MICAL3: variants seen among roughly 807,000 people sequenced by gnomAD.
The protein encoded by MICAL3 is [F-actin]-monooxygenase MICAL3.
MICAL3 carries 62 observed loss-of-function variants against 207.4 expected under a neutral mutation model. The observed-to-expected ratio is 0.30, with a 90% CI of 0.24 to 0.37. The LOEUF is 0.37. MICAL3 is among the 10% of genes least tolerant of loss of function. The probability of loss-of-function intolerance (pLI) is 1.00; values close to 1 mark genes in which losing one functional copy is unlikely to be tolerated. For synonymous variants in MICAL3, 1,077 were observed against 1,069.3 expected, an observed-to-expected ratio of 1.01 and a Z score of -0.14; for missense variants, 2,368 against 2,635.6, an observed-to-expected ratio of 0.90 and a Z score of 2.22.
chr22:17,802,768 T>C (rs1490216128), intron 29 of MICAL3, among the ~76,000 whole-genome samples: 7 of 152,146 alleles, frequency 4.6e-5, no homozygotes, highest in African/African-American at 1.4e-4. Flanking sequence ...TTTGCCATTC[T>C]TCTGTTTGAA....
intron 1 of MICAL3, among the ~76,000 whole-genome samples, chr22:17,976,531 A>ATGTGTGTGTGTGTGTGTGTGTGTG (rs1239655452): frequency 5.2e-5 from 6 of 114,736 alleles, no homozygotes; most frequent in African/African-American, 2.3e-4. Context: ...ATATGTGTAT[A>ATGTGTGTGTGTGTGTGTGTGTGTG]TATATGTGTG....
At chr22:17,808,821 C>T (rs959324383) in intron 29 of MICAL3, 23 bp downstream of exon 29, 4 of 1,545,030 alleles carry the variant, frequency 2.6e-6, no homozygotes, top group Non-Finnish European at 3.5e-6. Context: ...AGGAGCAGAG[C>T]TTAGGAGGGA....
intron 29 of MICAL3, chr22:17,803,925 CCAATCAATGATATGATATGGAG>C: frequency 1.4e-6 from 1 of 726,994 alleles, no homozygotes; most frequent in Non-Finnish European, 1.7e-6. Context: ...CCCCCCATAC[CCAATCAATGATATGATATGGAG>C]CAATCAATGA....
rs1290803544 is a variant in MICAL3 at position 17,864,988 on chromosome 22, T to A, written c.2518-2A>T. The A allele has an allele frequency of 6.3e-7, 1 of 1,598,696 alleles. No homozygotes were observed. Among genetic ancestry groups the A allele is most frequent in the Non-Finnish European group, 8.6e-7 (1 of 1,168,142 alleles). Reference sequence around the variant, plus strand: ...ATCCTGCAGGGGTCCTTTGGCCTCCTAGGAAAGTTCATGAGAAAAAGAAGA... The same window carrying A: ...ATCCTGCAGGGGTCCTTTGGCCTCCAAGGAAAGTTCATGAGAAAAAGAAGA... On this transcript the variant is annotated splice_acceptor_variant, in intron 18 of 31. Transcript: ENST00000441493. LOFTEE classifies it high-confidence loss of function.
rs566820936 is a variant in MICAL3, at chr22:17,817,637, G to A, written c.5024C>T (p.Pro1675Leu). 27 of 1,612,950 alleles carry A rather than the reference G, an allele frequency of 1.7e-5. No homozygotes were observed. The East Asian group carries it at 2.0e-4, about 12-fold the overall frequency. Reference protein sequence around the residue: ...HEATSEEVLSPPSDSGGPDGS... With the variant: ...HEATSEEVLSLPSDSGGPDGS... ...ATCTGGGCCCCCTGAGTCCGACGGC[G>A]GGGAGAGGACCTCCTCGCTGGTGGC... Residue 1675 changes from proline (P) to leucine (L), a missense_variant, in exon 26 of 32, where the codon CCG becomes CTG. Around this residue, in one of 4 missense-constraint regions of MICAL3, gnomAD observed 1,770 missense variants for 1,863.2 expected, o/e 0.95. Coordinates refer to ENST00000441493, the MANE Select transcript of MICAL3 (RefSeq NM_015241.3).
chr22:17,906,537 A>C lies in MICAL3; in HGVS notation c.264+12T>G. The C allele has an allele frequency of 4.3e-6, 7 of 1,612,172 alleles. No homozygotes were observed. Among genetic ancestry groups the C allele is most frequent in the Non-Finnish European group, 5.9e-6 (7 of 1,178,752 alleles). On this transcript the variant is annotated intron_variant, in intron 2 of 31. Transcript: ENST00000441493. ...GTCAGTGACCCCAGGGCCCAACAGG[A>C]GCAAAGCTTACCTTGGTGTTAGTGC...
chr22:17,943,331 T>C (rs1463796123), intron 1 of MICAL3, among the ~76,000 whole-genome samples: 5 of 152,020 alleles, frequency 3.3e-5, no homozygotes, highest in African/African-American at 9.7e-5. Context: ...CCTGCCTAAT[T>C]TGTTATATTT....
intron 1 of MICAL3, among the ~76,000 whole-genome samples, 200 bp from the exon 2 acceptor site, chr22:17,907,086 C>G (rs978825507): frequency 1.3e-5 from 2 of 152,202 alleles, no homozygotes; most frequent in Admixed American, 6.5e-5. Context: ...TCTCAAGGAT[C>G]TGACAGTCTA....
At chr22:17,963,957 A>C (rs115629240) in intron 1 of MICAL3, among the ~76,000 whole-genome samples, 2,740 of 152,282 alleles carry the variant, frequency 0.018, 82 homozygotes, top group African/African-American at 0.062. Context: ...GTACAATCTG[A>C]GACCCTCGCA....
intron 1 of MICAL3, among the ~76,000 whole-genome samples, chr22:17,909,235 T>C (rs939239414): frequency 1.3e-5 from 2 of 152,158 alleles, no homozygotes; most frequent in Non-Finnish European, 2.9e-5. Flanking sequence ...TTAAAAACTA[T>C]ACTGCTGGCC....
At position 17,822,180 on chromosome 22, in the gene MICAL3, G is replaced by A; in HGVS notation, c.3308-10C>T. 3 of 1,612,694 alleles carry A rather than the reference G, an allele frequency of 1.9e-6. No individual in the cohort carries two copies. Among genetic ancestry groups the A allele is most frequent in the Non-Finnish European group, 2.5e-6 (3 of 1,179,520 alleles). On this transcript the variant is annotated splice_polypyrimidine_tract_variant and intron_variant, in intron 23 of 31. Transcript: ENST00000441493. ...TCAGACCAGTGCTGATCTGGCAGAG[G>A]GAAGGGGCAGAAGTGGGTGCACACC...
At chr22:17,806,115 C>T (rs2061986480) in intron 29 of MICAL3, among the ~76,000 whole-genome samples, 1 of 152,198 alleles carries the variant, frequency 6.6e-6, no homozygotes, top group Non-Finnish European at 1.5e-5. Context: ...TTTTGTGGAG[C>T]CCTCAGGATC....
chr22:17,846,685 A>G (rs1158947926), intron 19 of MICAL3, among the ~76,000 whole-genome samples: 1 of 152,096 alleles, frequency 6.6e-6, no homozygotes, highest in East Asian at 1.9e-4. Flanking sequence ...AGCTGGCCCT[A>G]CCTCCCGCCC....
chr22:17,963,516 C>T lies in MICAL3; in HGVS notation c.-74-56630G>A, dbSNP rs572061813. On this transcript the variant is annotated intron_variant, in intron 1 of 31. Transcript: ENST00000441493. ...CTGTGAACACGTGATGGGCCTCCGT[C>T]GCCGGTTCCTTACCCTGCCACGGCC... Among the ~76,000 whole-genome samples, 181 of 152,188 alleles carry T rather than the reference C, an allele frequency of 1.2e-3. 2 individuals are homozygous for T. The South Asian group carries it at 0.037, about 31-fold the overall frequency.
At chr22:17,815,990 C>T (rs1008743090) in intron 27 of MICAL3, among the ~76,000 whole-genome samples, 4 of 152,228 alleles carry the variant, frequency 2.6e-5, no homozygotes, top group Admixed American at 1.3e-4. Context: ...AGGAGACAGC[C>T]GGGTTGCCCC....
intron 29 of MICAL3, among the ~76,000 whole-genome samples, chr22:17,805,713 T>C (rs2061982566): frequency 6.6e-6 from 1 of 152,202 alleles, no homozygotes; most frequent in African/African-American, 2.4e-5. Context: ...CTTATTAAAA[T>C]AAGACACACC....
intron 5 of MICAL3, 129 bp downstream of exon 5, chr22:17,901,749 T>A (rs539360841): frequency 1.6e-5 from 9 of 553,998 alleles, no homozygotes; most frequent in Non-Finnish European, 2.8e-5. Context: ...TGCCATTCCA[T>A]CAGGGCAGGA....
chr22:17,843,500 T>C (rs867340453), intron 19 of MICAL3, among the ~76,000 whole-genome samples: 6 of 152,002 alleles, frequency 3.9e-5, no homozygotes, highest in Admixed American at 3.3e-4. Context: ...TCTTAGAAAA[T>C]TTACAGAACT....
At chr22:17,821,389 T>C in intron 25 of MICAL3, 38 bp downstream of exon 25, 2 of 1,501,962 alleles carry the variant, frequency 1.3e-6, no homozygotes, top group Non-Finnish European at 9.0e-7. Flanking sequence ...GGGGTCCCAT[T>C]AGTTCTCTGT....
Sources: allele counts gnomAD v4.1 joint callset (sites outside exome capture counted in the v4.1 genomes callset), GRCh38; gene constraint gnomAD v4.1.1; regional missense constraint gnomAD v4.1.1; transcripts MANE v1.5; gene names NCBI Gene and HGNC (gene_info 2026-07-23, HGNC 2026-07-21).